The following DNAJC27 variants were observed in gnomAD, a reference collection of about 807,000 sequenced individuals.
The protein encoded by DNAJC27 is dnaJ homolog subfamily C member 27.
In DNAJC27, 25 loss-of-function variants were observed where a neutral mutation model predicts 31.4. That is an observed-to-expected ratio of 0.80 (90% CI 0.58 to 1.11). DNAJC27 has a LOEUF of 1.11. Ranked by LOEUF, DNAJC27 falls within the 50% of genes most tolerant of loss-of-function variation. DNAJC27 has a pLI of 0.00. For missense variants in DNAJC27, 356 were observed against 347.3 expected (o/e 1.02, Z -0.20); for synonymous variants, 106 against 112.7 (o/e 0.94, Z 0.37).
chr2:24,965,178 C>T (rs990971109), intron 2 of DNAJC27, among the ~76,000 whole-genome samples: 5 of 151,418 alleles, frequency 3.3e-5, no homozygotes, highest in African/African-American at 9.7e-5. Flanking sequence ...GCCAAGATCG[C>T]GCCACTGCAC....
Position 24,945,873 on chromosome 2 carries a change from G to T in DNAJC27, c.*1743C>A, listed in dbSNP as rs1455871272. ...GTGGAAAATCCACAAGGCTGCAGTG[G>T]GCTTGGATTGGAAGAAAGTGGCTTT... On this transcript the variant is annotated 3_prime_UTR_variant, in exon 7 of 7. Transcript: ENST00000264711. 1 of 152,210 alleles carries T rather than the reference G, an allele frequency of 6.6e-6. No individual in the cohort carries two copies. The highest frequency in any genetic ancestry group is 2.4e-5 in the African/African-American group (1 of 41,458). 9.4% of individuals were successfully genotyped at this position (152,210 alleles called of 1,614,324 possible).
At chr2:24,968,518 TA>T (rs1046408583) in intron 1 of DNAJC27, among the ~76,000 whole-genome samples, 12 of 151,728 alleles carry the variant, frequency 7.9e-5, no homozygotes, top group South Asian at 2.1e-4. Flanking sequence ...TTATTATTAT[TA>T]TTTTTTTTGT....
intron 5 of DNAJC27, among the ~76,000 whole-genome samples, chr2:24,955,564 T>G (rs1344493892): frequency 2.0e-5 from 3 of 152,112 alleles, no homozygotes; most frequent in African/African-American, 7.2e-5. Context: ...CACCTACCAA[T>G]CTTAGAAACT....
At position 24,947,601 on chromosome 2, in the gene DNAJC27, T is replaced by TC; in HGVS notation, c.*14_*15insG. 6.3e-7 allele frequency: 1 copy of TC among 1,586,994 alleles called. No homozygotes were observed. On this transcript the variant is annotated 3_prime_UTR_variant, in exon 7 of 7. Transcript: ENST00000264711. Reference sequence around the variant, plus strand: ...TTTGCATTTGAGTCCCACATGTGGCTTTTTTCTGTACTTTCTACTTGATGT... The same window carrying TC: ...TTTGCATTTGAGTCCCACATGTGGCTCTTTTTCTGTACTTTCTACTTGATGT...
rs1665595656 is a variant in DNAJC27, at chr2:24,944,323, T to C, written c.*3293A>G. On this transcript the variant is annotated 3_prime_UTR_variant, in exon 7 of 7. Transcript: ENST00000264711. ...CAAAATCCCTCCCTTCCCCTTGTGA[T>C]GTTGTCATTGTTCAATGGGGCACAG... 6.6e-6 allele frequency: 1 copy of C among 151,516 alleles called. No homozygotes were observed. The highest frequency in any genetic ancestry group is 2.1e-4 in the South Asian group (1 of 4,808). The allele number at this position is 151,516 out of a possible 1,614,324, so 9.4% of individuals were successfully genotyped here.
At chr2:24,951,749 A>G (rs774265557) in intron 5 of DNAJC27, among the ~76,000 whole-genome samples, 195 bp from the exon 6 acceptor site, 4 of 152,056 alleles carry the variant, frequency 2.6e-5, no homozygotes, top group Non-Finnish European at 5.9e-5. Flanking sequence ...AATACACAAA[A>G]AGTATAAGGA....
At chr2:24,953,341 G>A (rs1260532966) in intron 5 of DNAJC27, among the ~76,000 whole-genome samples, 4 of 152,118 alleles carry the variant, frequency 2.6e-5, no homozygotes, top group Non-Finnish European at 5.9e-5. Context: ...CGTCTGAAAA[G>A]GGGTGTCAAA....
At position 24,947,725 on chromosome 2, in the gene DNAJC27, C is replaced by T; in HGVS notation, c.713G>A (p.Arg238Gln). 2 of 1,613,284 alleles carry T rather than the reference C, an allele frequency of 1.2e-6. No homozygotes were observed. Among genetic ancestry groups the T allele is most frequent in the Non-Finnish European group, 8.5e-7 (1 of 1,179,294 alleles). The change falls in exon 7 of 7, where the codon CGG becomes CAG. Residue 238 changes from arginine to glutamine, a missense_variant. Transcript: ENST00000264711. ...AGGGTGAAGAAGCACAGCAAGTTTC[C>T]GATACGCTTTATTGACTTCATCCCT... ...ASRDEVNKAY[R>Q]KLAVLLHPDK...
chr2:24,951,532 T>G lies in DNAJC27; in HGVS notation c.551A>C (p.Asp184Ala), dbSNP rs768585966. The stretch of plus-strand genomic sequence containing the variant: ...GCGTTTCCCGCCATTTTCACATAAA[T>G]CAACTATGGATATATAAAAGGTCTA... ...MFQTFYISIV[D>A]LCENGGKRPT... The change falls in exon 6 of 7, where the codon GAT (aspartate) becomes GCT (alanine). Residue 184 changes from aspartate to alanine, a missense_variant. Transcript: ENST00000264711. The G allele has an allele frequency of 6.2e-7, 1 of 1,613,376 alleles. No homozygotes were observed. Among genetic ancestry groups the G allele is most frequent in the Non-Finnish European group, 8.5e-7 (1 of 1,179,646 alleles).
At chr2:24,970,882 C>CT (rs1013954198) in intron 1 of DNAJC27, among the ~76,000 whole-genome samples, 12 of 152,266 alleles carry the variant, frequency 7.9e-5, no homozygotes, top group African/African-American at 2.9e-4. Flanking sequence ...ATAAAAAACA[C>CT]TAAGTAAACA....
In DNAJC27 at chr2:24,971,817, C is replaced by T. The variant is rs1666348586; in HGVS notation, c.87+1G>A. The T allele has an allele frequency of 6.2e-7, 1 of 1,607,852 alleles. No individual in the cohort carries two copies. Among genetic ancestry groups the T allele is most frequent in the Non-Finnish European group, 8.5e-7 (1 of 1,177,914 alleles). On this transcript the variant is annotated splice_donor_variant, in intron 1 of 6. Coordinates refer to ENST00000264711, the MANE Select transcript of DNAJC27 (RefSeq NM_016544.3). LOFTEE classifies it high-confidence loss of function. ...CGCCCCTCCCGGCTCGCTGTACTCA[C>T]TTTCCCCACTTCGGCGTTGCCCATG...
At chr2:24,950,115 C>T (rs1219494359) in intron 6 of DNAJC27, among the ~76,000 whole-genome samples, 2 of 151,466 alleles carry the variant, frequency 1.3e-5, no homozygotes, top group Non-Finnish European at 2.9e-5. Flanking sequence ...AAAAAGATCC[C>T]GATAAACTCT....
At position 24,969,922 on chromosome 2, in the gene DNAJC27, T is replaced by A. The variant is rs114161754; in HGVS notation, c.87+1896A>T. On this transcript the variant is annotated intron_variant, in intron 1 of 6. Transcript: ENST00000264711. ...ATGTTCTGGGAAAAAAAAACCCTTA[T>A]TGATGTTTTCACTGGAATTGAATTT... Among the ~76,000 whole-genome samples, 1,228 of 152,324 alleles carry A rather than the reference T, an allele frequency of 8.1e-3. 5 individuals carry two copies. Among genetic ancestry groups the A allele is most frequent in the Middle Eastern group, 0.02 (6 of 294 alleles).
Position 24,971,861 on chromosome 2 carries a change from A to T in DNAJC27, c.44T>A (p.Leu15His). The change falls in exon 1 of 7, where the codon CTC becomes CAC. Residue 15 changes from leucine to histidine, a missense_variant. By Grantham distance (99) the Leu-to-His change is moderately conservative (BLOSUM62 -3). Transcript: ENST00000264711. ...MPKRKEPGRS[L>H]RIKVISMGNA... ...GCCCATGGAGATGACTTTGATGCGG[A>T]GAGACCTGCCGGGCTCCTTCCGCTT... 2 of 1,609,368 alleles carry T rather than the reference A, an allele frequency of 1.2e-6. No homozygotes were observed. The highest frequency in any genetic ancestry group is 2.2e-5 in the East Asian group (1 of 44,456).
At chr2:24,952,147 A>T (rs567733787) in intron 5 of DNAJC27, among the ~76,000 whole-genome samples, 1 of 152,322 alleles carries the variant, frequency 6.6e-6, no homozygotes, top group Non-Finnish European at 1.5e-5. Context: ...CAACAAAAGT[A>T]ATGATGAACA....
At chr2:24,951,307 T>C (rs1233055886) in intron 6 of DNAJC27, 87 bp downstream of exon 6, 1 of 1,306,846 alleles carries the variant, frequency 7.7e-7, no homozygotes. Flanking sequence ...TCCAGCCAAC[T>C]GGAGGAAGAT....
At chr2:24,964,727 A>G (rs938238406) in intron 2 of DNAJC27, among the ~76,000 whole-genome samples, 2 of 152,228 alleles carry the variant, frequency 1.3e-5, no homozygotes, top group African/African-American at 2.4e-5. Flanking sequence ...TTTCTGCCAG[A>G]AACAAAATAG....
intron 3 of DNAJC27, among the ~76,000 whole-genome samples, chr2:24,962,482 C>G (rs150292832): frequency 1.0e-3 from 159 of 152,258 alleles, no homozygotes; most frequent in African/African-American, 3.4e-3. Context: ...TCTCGAATTC[C>G]TGACCTCAGG....
intron 6 of DNAJC27, among the ~76,000 whole-genome samples, chr2:24,948,644 A>G (rs1665700695): frequency 6.6e-6 from 1 of 152,212 alleles, no homozygotes; most frequent in Non-Finnish European, 1.5e-5. Context: ...ATAAACCAGC[A>G]GCGCTCCAGG....
Sources: gnomAD v4.1 joint callset for allele counts (sites outside exome capture counted in the v4.1 genomes callset) on GRCh38, gnomAD v4.1.1 for gene constraint, MANE v1.5 for transcripts, NCBI Gene and HGNC (gene_info 2026-07-23, HGNC 2026-07-21) for gene names.